The following COG5 variants were observed in gnomAD, a reference collection of about 807,000 sequenced individuals.
COG5 encodes the protein component of oligomeric golgi complex 5, also known as conserved oligomeric Golgi complex subunit 5.
A neutral mutation model predicts 110.4 loss-of-function variants in COG5; 86 were observed. The observed-to-expected ratio is 0.78, with a 90% CI of 0.65 to 0.93. The LOEUF (loss-of-function observed/expected upper bound fraction) is 0.93. COG5 is among the 40% of genes least tolerant of loss of function. The pLI is 0.00. For missense variants in COG5, 1,077 were observed against 987.0 expected, an observed-to-expected ratio of 1.09 and a Z score of -1.22; for synonymous variants, 360 against 334.6, an observed-to-expected ratio of 1.08 and a Z score of -0.83.
intron 7 of COG5, among the ~76,000 whole-genome samples, chr7:107,397,015 T>C (rs1486035415): frequency 6.6e-6 from 1 of 152,198 alleles, no homozygotes; most frequent in African/African-American, 2.4e-5. Flanking sequence ...CCAAAACTAC[T>C]TTCTTCTTTT....
chr7:107,356,216 A>G (rs1342891132), intron 10 of COG5, among the ~76,000 whole-genome samples: 1 of 152,252 alleles, frequency 6.6e-6, no homozygotes, highest in Non-Finnish European at 1.5e-5. Flanking sequence ...AAATTTCATC[A>G]TAGCTTACAG....
At position 107,210,515 on chromosome 7, in the gene COG5, C is replaced by T; in HGVS notation, c.2375+11G>A. 6.3e-7 allele frequency: 1 copy of T among 1,589,380 alleles called. No homozygotes were observed. The highest frequency in any genetic ancestry group is 8.6e-7 in the Non-Finnish European group (1 of 1,167,666). On this transcript the variant is annotated intron_variant, in intron 21 of 21. Coordinates refer to ENST00000297135, the MANE Select transcript of COG5 (RefSeq NM_006348.5). ...AGACCAGATGGGTGCCCCCAGAGCA[C>T]CTGGCTTTACCTGATGAGGAGGAGC...
intron 3 of COG5, among the ~76,000 whole-genome samples, chr7:107,548,828 G>A (rs2129173544): frequency 6.6e-6 from 1 of 152,222 alleles, no homozygotes; most frequent in African/African-American, 2.4e-5. Context: ...CTTACAACAT[G>A]AGGAAATTTT....
Position 107,403,899 on chromosome 7 carries a change from CTATTATTAT to C in COG5, c.669+8594_669+8602del, listed in dbSNP as rs113864164. On this transcript the variant is annotated intron_variant, in intron 7 of 21. Coordinates refer to ENST00000297135, the MANE Select transcript of COG5 (RefSeq NM_006348.5). ...ATCTGCAAATTACAGTTAGGTGACT[CTATTATTAT>C]TATTATTATTATTACTATTTTTATG... Among the ~76,000 whole-genome samples, 5 of 151,110 alleles carry C rather than the reference CTATTATTAT, an allele frequency of 3.3e-5. No homozygotes were observed. The South Asian group carries it at 8.3e-4, about 25-fold the overall frequency.
chr7:107,295,918 G>A (rs1340067603), intron 12 of COG5, among the ~76,000 whole-genome samples: 2 of 152,048 alleles, frequency 1.3e-5, no homozygotes, highest in African/African-American at 4.8e-5. Context: ...AGCCTCCCAA[G>A]TAGCTGGGAT....
intron 6 of COG5, among the ~76,000 whole-genome samples, chr7:107,521,437 C>A (rs1426647647): frequency 6.6e-6 from 1 of 152,130 alleles, no homozygotes; most frequent in Non-Finnish European, 1.5e-5. Flanking sequence ...GGAACTTACA[C>A]AAATTTACAA....
intron 19 of COG5, among the ~76,000 whole-genome samples, chr7:107,228,460 T>C (rs1034095723): frequency 1.3e-5 from 2 of 152,200 alleles, no homozygotes; most frequent in Non-Finnish European, 2.9e-5. Flanking sequence ...CTAGGATTGC[T>C]GTGTTACCAT....
chr7:107,329,309 T>C (rs1396209342), intron 10 of COG5, among the ~76,000 whole-genome samples: 3 of 152,064 alleles, frequency 2.0e-5, no homozygotes, highest in Admixed American at 1.3e-4. Flanking sequence ...GAAAAGTCCT[T>C]GGGAGACATA....
chr7:107,394,217 C>T (rs2129057833), intron 7 of COG5, among the ~76,000 whole-genome samples: 1 of 151,904 alleles, frequency 6.6e-6, no homozygotes, highest in Non-Finnish European at 1.5e-5. Context: ...CCTGCCTCGG[C>T]CTCCCAAAAT....
intron 12 of COG5, among the ~76,000 whole-genome samples, chr7:107,290,382 C>A (rs1464935420): frequency 6.6e-6 from 1 of 152,180 alleles, no homozygotes; most frequent in Admixed American, 6.5e-5. Context: ...GCAAAATAAA[C>A]CTCTAAATTA....
intron 11 of COG5, among the ~76,000 whole-genome samples, chr7:107,320,563 C>T (rs1809170824): frequency 6.6e-6 from 1 of 152,176 alleles, no homozygotes; most frequent in Non-Finnish European, 1.5e-5. Flanking sequence ...GAAACCCCAA[C>T]CAGCCTAAGT....
In COG5 at chr7:107,381,422, T is replaced by C. The variant is rs571886059; in HGVS notation, c.670-8662A>G. On this transcript the variant is annotated intron_variant, in intron 7 of 21. Coordinates refer to ENST00000297135, the MANE Select transcript of COG5 (RefSeq NM_006348.5). The stretch of plus-strand genomic sequence containing the variant: ...TATTGCTAACATATGTTCCAAATTG[T>C]ATGGAATTTCTAAAATTGTAATGTC... Among the ~76,000 whole-genome samples the C allele has an allele frequency of 4.6e-5, 7 of 152,362 alleles. No individual in the cohort carries two copies. In the South Asian group the frequency reaches 1.4e-3, roughly 32 times the overall value.
chr7:107,487,626 CA>C (rs1304248001), intron 6 of COG5, among the ~76,000 whole-genome samples: 1 of 151,216 alleles, frequency 6.6e-6, no homozygotes, highest in Non-Finnish European at 1.5e-5. Flanking sequence ...GACCTTTGAC[CA>C]AGAAATTCAA....
intron 14 of COG5, among the ~76,000 whole-genome samples, chr7:107,272,438 G>A (rs999960446): frequency 6.6e-6 from 1 of 152,082 alleles, no homozygotes; most frequent in East Asian, 1.9e-4. Context: ...ATCAAACTGT[G>A]CTCTGACCAC....
intron 6 of COG5, among the ~76,000 whole-genome samples, chr7:107,466,922 T>C (rs1796324895): frequency 6.6e-6 from 1 of 152,232 alleles, no homozygotes; most frequent in Non-Finnish European, 1.5e-5. Context: ...TTCACAAAGC[T>C]GAGTTTTTAT....
chr7:107,419,243 CATA>C (rs1257043734), intron 6 of COG5, among the ~76,000 whole-genome samples: 1 of 151,878 alleles, frequency 6.6e-6, no homozygotes, highest in Admixed American at 6.6e-5. Context: ...GAACAGAGAA[CATA>C]ATAATGTGGG....
rs77416577 is a variant in COG5 at position 107,323,100 on chromosome 7, C to T, written c.1108+1340G>A. On this transcript the variant is annotated intron_variant, in intron 11 of 21. Transcript: ENST00000297135. The stretch of plus-strand genomic sequence containing the variant: ...TATATGAATGTAAACATTTGTCAAA[C>T]ATCATAGAATTTTATGTTTAAAATT... 4.6e-3 allele frequency among the ~76,000 whole-genome samples: 701 copies of T among 152,260 alleles called. 8 individuals carry two copies. Among genetic ancestry groups the T allele is most frequent in the African/African-American group, 0.015 (640 of 41,536 alleles).
At chr7:107,213,278 G>C (rs1264173219) in intron 19 of COG5, among the ~76,000 whole-genome samples, 1 of 152,158 alleles carries the variant, frequency 6.6e-6, no homozygotes, top group Admixed American at 6.5e-5. Flanking sequence ...CCCAGGAAAA[G>C]AGATGCCCAC....
intron 12 of COG5, among the ~76,000 whole-genome samples, chr7:107,291,385 C>A (rs1806158763): frequency 6.6e-6 from 1 of 152,164 alleles, no homozygotes; most frequent in Admixed American, 6.5e-5. Context: ...CAAAACTGGG[C>A]ATTTTAGATA....
Sources: gnomAD v4.1 joint callset for allele counts (sites outside exome capture counted in the v4.1 genomes callset) on GRCh38, gnomAD v4.1.1 for gene constraint, MANE v1.5 for transcripts, NCBI Gene and HGNC (gene_info 2026-07-23, HGNC 2026-07-21) for gene names.